CUL1: variants seen among roughly 807,000 people sequenced by gnomAD.
The protein encoded by CUL1 is cullin-1.
Under a neutral mutation model 118.0 loss-of-function variants are expected in CUL1, and 24 were observed. The observed-to-expected ratio is 0.20, with a 90% CI of 0.15 to 0.29. The LOEUF is 0.29. Among genes scored for constraint, CUL1 ranks in the 10% least tolerant of loss-of-function variants. CUL1 has a pLI of 1.00. For synonymous variants in CUL1, 332 were observed against 340.4 expected (o/e 0.98, Z 0.27); for missense variants, 361 against 933.8 (o/e 0.39, Z 7.99).
At chr7:148,789,115 C>T (rs1161109323) in intron 14 of CUL1, among the ~76,000 whole-genome samples, 2 of 152,122 alleles carry the variant, frequency 1.3e-5, no homozygotes, top group African/African-American at 4.8e-5. Flanking sequence ...TATTTTAGGG[C>T]CTTGCATAGT....
At chr7:148,702,292 T>A (rs917560391) in intron 1 of CUL1, among the ~76,000 whole-genome samples, 4 of 152,168 alleles carry the variant, frequency 2.6e-5, no homozygotes, top group African/African-American at 9.6e-5. Flanking sequence ...GAGATTGAAG[T>A]CATTTATTTT....
In CUL1 at chr7:148,788,448, G is replaced by C. The variant is rs1352876097; in HGVS notation, c.1480-109G>C. ...CAAAATGTTACTAGCTTTGCTAGTA[G>C]TTCCATATAATTAAGTATATATTGT... On this transcript the variant is annotated intron_variant, in intron 13 of 21. Transcript: ENST00000325222. 5 of 691,328 alleles carry C rather than the reference G, an allele frequency of 7.2e-6. No individual in the cohort carries two copies. The East Asian group carries it at 1.0e-4, about 14-fold the overall frequency. 42.8% of individuals were successfully genotyped at this position (691,328 alleles called of 1,614,324 possible).
At chr7:148,799,527 G>T (rs34059323) in intron 21 of CUL1, 139 bp downstream of exon 21, 1 of 623,170 alleles carries the variant, frequency 1.6e-6, no homozygotes, top group Non-Finnish European at 2.8e-6. Context: ...AAAGAAAGTC[G>T]GCTTCAGTTT....
Position 148,800,909 on chromosome 7 carries a change from T to A in CUL1, c.*327T>A, listed in dbSNP as rs1305389667. 4.6e-6 allele frequency: 1 copy of A among 215,928 alleles called. No homozygotes were observed. The highest frequency in any genetic ancestry group is 9.2e-6 in the Non-Finnish European group (1 of 109,016). The allele number at this position is 215,928 out of a possible 1,614,324, so 13.4% of individuals were successfully genotyped here. A position where few individuals can be genotyped will look rare whatever the true frequency, so the allele number is the denominator to read the frequency against. On this transcript the variant is annotated 3_prime_UTR_variant, in exon 22 of 22. Coordinates refer to ENST00000325222, the MANE Select transcript of CUL1 (RefSeq NM_003592.3). The surrounding 1 kb of genome is among the most constrained non-coding windows in gnomAD (Gnocchi z 4.6). ...GCAGCTGTCGTCTTGGCAGCACTTG[T>A]CACGTTGGCAGCACTTTGAGAGCAA...
intron 1 of CUL1, among the ~76,000 whole-genome samples, chr7:148,705,873 A>G (rs1453660487): frequency 2.6e-5 from 4 of 152,356 alleles, no homozygotes; most frequent in African/African-American, 9.6e-5. Flanking sequence ...CTCATTTTAA[A>G]TACGTAAAAT....
At position 148,742,775 on chromosome 7, in the gene CUL1, T is replaced by A. The variant is rs243498; in HGVS notation, c.141-11201T>A. 4.6e-3 allele frequency among the ~76,000 whole-genome samples: 701 copies of A among 152,100 alleles called. 2 individuals are homozygous for A. The highest frequency in any genetic ancestry group is 8.5e-3 in the Non-Finnish European group (576 of 67,996). On this transcript the variant is annotated intron_variant, in intron 2 of 21. Transcript: ENST00000325222. ...CACCACCACGCCCAGCTAATTTTTG[T>A]ATTTTTAGTAGAGACTGGGTGTTTG...
At position 148,703,594 on chromosome 7, in the gene CUL1, G is replaced by C. The variant is rs369757226; in HGVS notation, c.-162+4565G>C. 3.9e-5 allele frequency among the ~76,000 whole-genome samples: 6 copies of C among 152,060 alleles called. No homozygotes were observed. In the East Asian group the frequency reaches 1.2e-3, roughly 29 times the overall value. ...GTCGCCCCCACTGGAGTGCAGTGGC[G>C]TGATCTCGGCTCACTGCAACCTCCG... On this transcript the variant is annotated intron_variant, in intron 1 of 21. Coordinates refer to ENST00000325222, the MANE Select transcript of CUL1 (RefSeq NM_003592.3).
chr7:148,739,321 A>T (rs1342690028), intron 2 of CUL1, among the ~76,000 whole-genome samples: 1 of 152,184 alleles, frequency 6.6e-6, no homozygotes, highest in Non-Finnish European at 1.5e-5. Context: ...TAAAGCTGAG[A>T]TAAAAATACT....
intron 7 of CUL1, among the ~76,000 whole-genome samples, chr7:148,761,220 T>C (rs1223011648): frequency 6.6e-6 from 1 of 152,068 alleles, no homozygotes; most frequent in Non-Finnish European, 1.5e-5. Context: ...GAAATATAGA[T>C]ATCCTGGCTG....
At chr7:148,796,839 G>A (rs539665741) in intron 17 of CUL1, among the ~76,000 whole-genome samples, 1 of 152,292 alleles carries the variant, frequency 6.6e-6, no homozygotes, top group South Asian at 2.1e-4. Context: ...TAGATGCAGT[G>A]GGCAGTATTC....
Position 148,775,811 on chromosome 7 carries a change from T to G in CUL1, c.1084-7972T>G, listed in dbSNP as rs138147021. ...CTTTTAAAGAATACATTTTTAAATC[T>G]ATATTCCTGCTAAAGAAAACAGTGA... On this transcript the variant is annotated intron_variant, in intron 9 of 21. Coordinates refer to ENST00000325222, the MANE Select transcript of CUL1 (RefSeq NM_003592.3). Among the ~76,000 whole-genome samples the G allele has an allele frequency of 2.6e-4, 39 of 151,404 alleles. No individual in the cohort carries two copies. The East Asian group carries it at 6.8e-3, about 26-fold the overall frequency.
intron 7 of CUL1, among the ~76,000 whole-genome samples, chr7:148,763,853 C>T (rs1382678684): frequency 4.6e-5 from 7 of 152,192 alleles, no homozygotes; most frequent in Non-Finnish European, 8.8e-5. Flanking sequence ...AAACATGACC[C>T]TTCAAGAAAT....
At chr7:148,765,778 T>A (rs908775944) in intron 7 of CUL1, among the ~76,000 whole-genome samples, 4 of 152,240 alleles carry the variant, frequency 2.6e-5, no homozygotes, top group Non-Finnish European at 5.9e-5. Flanking sequence ...CTCTCTAAAT[T>A]TTTGAACAGT....
intron 2 of CUL1, among the ~76,000 whole-genome samples, chr7:148,750,294 CTTT>C (rs370284482): frequency 7.0e-6 from 1 of 142,900 alleles, no homozygotes; most frequent in African/African-American, 2.6e-5. Context: ...CCACCTAGGA[CTTT>C]TTTTTTTTTT....
chr7:148,734,979 A>G (rs561437089), intron 2 of CUL1, among the ~76,000 whole-genome samples: 101 of 152,030 alleles, frequency 6.6e-4, no homozygotes, highest in Non-Finnish European at 1.2e-3. Flanking sequence ...CTTCCTGTAC[A>G]TTGCTGTGGC....
chr7:148,773,094 G>T (rs1288257779), intron 9 of CUL1, among the ~76,000 whole-genome samples: 2 of 152,002 alleles, frequency 1.3e-5, no homozygotes, highest in African/African-American at 4.8e-5. Flanking sequence ...TAGCAGTTTC[G>T]TCTTTCAGAA....
In CUL1 at chr7:148,783,994, C is replaced by T; in HGVS notation, c.1215C>T (p.Asn405=). 6.2e-7 allele frequency: 1 copy of T among 1,614,170 alleles called. No homozygotes were observed. The highest frequency in any genetic ancestry group is 8.5e-7 in the Non-Finnish European group (1 of 1,180,032). The change falls in exon 11 of 22, where the codon AAC becomes AAT. Residue 405 remains asparagine (N), a synonymous_variant. Transcript: ENST00000325222. The part of the protein sequence containing the change: ...LDKACGRFIN[N]NAVTKMAQSS... The stretch of plus-strand genomic sequence containing the variant: ...AGGCTTGTGGTCGCTTCATAAACAA[C>T]AACGCGGTTACCAAGATGGCCCAAT...
intron 7 of CUL1, among the ~76,000 whole-genome samples, chr7:148,761,069 G>A (rs545058173): frequency 6.6e-6 from 1 of 152,110 alleles, no homozygotes; most frequent in Non-Finnish European, 1.5e-5. Context: ...GTAGAGATAG[G>A]TTGCCCAGGT....
At position 148,708,919 on chromosome 7, in the gene CUL1, C is replaced by A. The variant is rs140162316; in HGVS notation, c.-162+9890C>A. Among the ~76,000 whole-genome samples the A allele has an allele frequency of 5.1e-3, 776 of 152,312 alleles. 2 individuals are homozygous for A. The highest frequency in any genetic ancestry group is 7.3e-3 in the Non-Finnish European group (500 of 68,040). ...TGTTGGAATTTTTCTATTGATAAGG[C>A]TAACTTGTGGAAAACTGATTAAATA... On this transcript the variant is annotated intron_variant, in intron 1 of 21. Transcript: ENST00000325222.
Sources: gnomAD v4.1 joint callset for allele counts (sites outside exome capture counted in the v4.1 genomes callset) on GRCh38, gnomAD v4.1.1 for gene constraint, Gnocchi (gnomAD v3.1) non-coding constraint, MANE v1.5 for transcripts, NCBI Gene and HGNC (gene_info 2026-07-23, HGNC 2026-07-21) for gene names.